OPCML: variants seen among roughly 807,000 people sequenced by gnomAD.
The protein encoded by OPCML is opioid binding protein/cell adhesion molecule like, also known as opioid-binding protein/cell adhesion molecule.
In OPCML, 13 loss-of-function variants were observed where a neutral mutation model predicts 37.8. The ratio of observed to expected loss-of-function variants is 0.34; its 90% confidence interval spans 0.22 to 0.55. The LOEUF is 0.55. Among genes scored for constraint, OPCML ranks in the 20% least tolerant of loss-of-function variants. The pLI, the probability that OPCML is intolerant of heterozygous loss-of-function variation, is 0.91. For missense variants in OPCML, 341 were observed against 435.6 expected (o/e 0.78, Z 1.93); for synonymous variants, 176 against 168.8 (o/e 1.04, Z -0.33).
chr11:132,686,113 C>A lies in OPCML; in HGVS notation c.147-28794G>T, dbSNP rs1396475223. 2.0e-5 allele frequency among the ~76,000 whole-genome samples: 3 copies of A among 152,182 alleles called. No homozygotes were observed. The East Asian group carries it at 5.8e-4, about 29-fold the overall frequency. Reference sequence around the variant, plus strand: ...GTCCATCTGTGATCTCTCTCCAAACCTTCTGATCTATTTCCAGTTGATCAG... The same window carrying A: ...GTCCATCTGTGATCTCTCTCCAAACATTCTGATCTATTTCCAGTTGATCAG... On this transcript the variant is annotated intron_variant, in intron 2 of 7. Coordinates refer to ENST00000524381, the MANE Select transcript of OPCML (RefSeq NM_001012393.5).
At chr11:132,981,646 C>T (rs1018685926) in intron 1 of OPCML, among the ~76,000 whole-genome samples, 9 of 152,104 alleles carry the variant, frequency 5.9e-5, no homozygotes, top group Non-Finnish European at 1.5e-5. Context: ...AGAGATATTA[C>T]AGGGGGAAAC....
At chr11:132,569,561 T>C (rs1430797797) in intron 3 of OPCML, among the ~76,000 whole-genome samples, 1 of 151,814 alleles carries the variant, frequency 6.6e-6, no homozygotes. Context: ...TTCTTCAGAA[T>C]TAAGGAAAAA....
rs191098115 is a variant in OPCML, at chr11:132,745,554, G to A, written c.147-88235C>T. On this transcript the variant is annotated intron_variant, in intron 2 of 7. Coordinates refer to ENST00000524381, the MANE Select transcript of OPCML (RefSeq NM_001012393.5). ...ATTTAAAAGTGCTGCAAAAGGCATT[G>A]CTGTCTTGCAAAAAAAAAAAAAAAA... Among the ~76,000 whole-genome samples, 226 of 122,866 alleles carry A rather than the reference G, an allele frequency of 1.8e-3. 4 individuals carry two copies. The Admixed American group carries it at 0.019, about 10-fold the overall frequency. 80.6% of individuals were successfully genotyped at this position (122,866 alleles called of 152,430 possible). A position where few individuals can be genotyped will look rare whatever the true frequency, so the allele number is the denominator to read the frequency against.
At chr11:132,553,705 T>C (rs1200990459) in intron 3 of OPCML, among the ~76,000 whole-genome samples, 3 of 152,194 alleles carry the variant, frequency 2.0e-5, no homozygotes, top group Non-Finnish European at 4.4e-5. Context: ...AAAGGAAGAT[T>C]CAGTTATCTA....
At chr11:133,404,360 T>C (rs1945479512) in intron 1 of OPCML, among the ~76,000 whole-genome samples, 1 of 152,256 alleles carries the variant, frequency 6.6e-6, no homozygotes, top group Non-Finnish European at 1.5e-5. Flanking sequence ...ACCTATCTTT[T>C]TGTGTGACAC....
intron 4 of OPCML, among the ~76,000 whole-genome samples, chr11:132,518,766 C>A (rs1422280479): frequency 6.6e-6 from 1 of 152,168 alleles, no homozygotes; most frequent in African/African-American, 2.4e-5. Flanking sequence ...GCTATCTCTC[C>A]CACTAGACCA....
At chr11:133,069,886 C>T (rs1948497327) in intron 1 of OPCML, among the ~76,000 whole-genome samples, 1 of 152,080 alleles carries the variant, frequency 6.6e-6, no homozygotes, top group Non-Finnish European at 1.5e-5. Flanking sequence ...GATTCTGGCA[C>T]CATCCAAGCT....
intron 3 of OPCML, among the ~76,000 whole-genome samples, chr11:132,529,994 C>T (rs530539949): frequency 6.6e-6 from 1 of 152,272 alleles, no homozygotes; most frequent in South Asian, 2.1e-4. Flanking sequence ...AGCAAGGTGA[C>T]CTGCCTTTGT....
At chr11:133,012,446 CT>C (rs990142538) in intron 1 of OPCML, among the ~76,000 whole-genome samples, 8 of 152,206 alleles carry the variant, frequency 5.3e-5, no homozygotes, top group African/African-American at 1.9e-4. Context: ...TTCGAATCAA[CT>C]GTAAAACAAC....
chr11:133,095,452 T>C (rs1455798407), intron 1 of OPCML, among the ~76,000 whole-genome samples: 1 of 150,352 alleles, frequency 6.7e-6, no homozygotes, highest in Non-Finnish European at 1.5e-5. Context: ...CTTTAGTATC[T>C]TGCAAAATAC....
chr11:132,840,947 C>T (rs552393395), intron 2 of OPCML, among the ~76,000 whole-genome samples: 6 of 152,112 alleles, frequency 3.9e-5, no homozygotes, highest in Non-Finnish European at 8.8e-5. Flanking sequence ...ACCTCCAGAG[C>T]GAGCTCACAT....
intron 3 of OPCML, among the ~76,000 whole-genome samples, chr11:132,578,960 C>T (rs1427397868): frequency 6.6e-6 from 1 of 151,920 alleles, no homozygotes; most frequent in Non-Finnish European, 1.5e-5. Flanking sequence ...ACACCTGCCC[C>T]TTTCCCGCTA....
intron 1 of OPCML, among the ~76,000 whole-genome samples, chr11:133,283,748 G>C (rs1052834283): frequency 1.3e-5 from 2 of 152,140 alleles, no homozygotes; most frequent in Admixed American, 1.3e-4. Flanking sequence ...TGGGGGAATA[G>C]GCCCCGGTAT....
intron 4 of OPCML, among the ~76,000 whole-genome samples, chr11:132,500,403 G>A (rs1232610094): frequency 6.6e-6 from 1 of 152,130 alleles, no homozygotes; most frequent in Admixed American, 6.6e-5. Flanking sequence ...ACTCCAAGAG[G>A]ATATGTAACT....
intron 4 of OPCML, among the ~76,000 whole-genome samples, chr11:132,477,727 C>T (rs1592234483): frequency 6.6e-6 from 1 of 152,108 alleles, no homozygotes; most frequent in South Asian, 2.1e-4. Flanking sequence ...TTCTCAGGTG[C>T]TGTGTATTGT....
At chr11:132,841,414 C>T (rs1941279821) in intron 2 of OPCML, among the ~76,000 whole-genome samples, 1 of 152,162 alleles carries the variant, frequency 6.6e-6, no homozygotes, top group African/African-American at 2.4e-5. Context: ...CTCTAGCCCA[C>T]TGTAGAGGGC....
At chr11:133,094,133 A>C (rs1179911320) in intron 1 of OPCML, among the ~76,000 whole-genome samples, 1 of 152,174 alleles carries the variant, frequency 6.6e-6, no homozygotes, top group African/African-American at 2.4e-5. Flanking sequence ...AGGTGCAGCT[A>C]TAATTATGTA....
At chr11:133,219,925 G>A (rs543798755) in intron 1 of OPCML, among the ~76,000 whole-genome samples, 94 of 152,320 alleles carry the variant, frequency 6.2e-4, no homozygotes, top group African/African-American at 2.0e-3. Context: ...GTGGCGCTAA[G>A]ATTGAGAAAC....
chr11:132,622,785 C>G (rs1939499796), intron 3 of OPCML, among the ~76,000 whole-genome samples: 1 of 152,162 alleles, frequency 6.6e-6, no homozygotes, highest in Non-Finnish European at 1.5e-5. Flanking sequence ...GTGCCCTTGT[C>G]TTGTGTTGAT....
Sources: allele counts gnomAD v4.1 joint callset (sites outside exome capture counted in the v4.1 genomes callset), GRCh38; gene constraint gnomAD v4.1.1; transcripts MANE v1.5; gene names NCBI Gene and HGNC (gene_info 2026-07-23, HGNC 2026-07-21).